AUTS2: variants seen among roughly 807,000 people sequenced by gnomAD.
The protein encoded by AUTS2 is activator of transcription and developmental regulator AUTS2.
AUTS2 carries 17 observed loss-of-function variants against 112.4 expected under a neutral mutation model. The observed-to-expected ratio is 0.15, with a 90% CI of 0.10 to 0.23. The LOEUF is 0.23. AUTS2 is among the 10% of genes least tolerant of loss of function. The probability of loss-of-function intolerance (pLI) is 1.00; values close to 1 mark genes in which losing one functional copy is unlikely to be tolerated. For synonymous variants in AUTS2, 751 were observed against 702.7 expected, an observed-to-expected ratio of 1.07 and a Z score of -1.09; for missense variants, 1,510 against 1,701.6, an observed-to-expected ratio of 0.89 and a Z score of 1.98.
intron 1 of AUTS2, among the ~76,000 whole-genome samples, chr7:69,746,454 A>G (rs1787499969): frequency 6.6e-6 from 1 of 152,122 alleles, no homozygotes; most frequent in Non-Finnish European, 1.5e-5. Context: ...GGGTGTAGGA[A>G]TAAAGGTGTG....
chr7:70,441,935 C>A (rs1171876925), intron 5 of AUTS2, among the ~76,000 whole-genome samples: 2 of 152,168 alleles, frequency 1.3e-5, no homozygotes, highest in African/African-American at 4.8e-5. Context: ...ATGTTTCACA[C>A]TCGGTAAGGT....
At chr7:69,807,181 C>T (rs1790346477) in intron 1 of AUTS2, among the ~76,000 whole-genome samples, 1 of 152,150 alleles carries the variant, frequency 6.6e-6, no homozygotes, top group African/African-American at 2.4e-5. Context: ...GTCGTTTTTC[C>T]TCCTTTAAAC....
At chr7:70,374,735 A>G (rs960628863) in intron 4 of AUTS2, among the ~76,000 whole-genome samples, 3 of 152,214 alleles carry the variant, frequency 2.0e-5, no homozygotes, top group Non-Finnish European at 4.4e-5. Context: ...TCAGTTTGAG[A>G]TCTTTTCCAC....
chr7:70,434,015 T>C (rs1373731329), intron 4 of AUTS2, among the ~76,000 whole-genome samples: 1 of 152,228 alleles, frequency 6.6e-6, no homozygotes, highest in Non-Finnish European at 1.5e-5. Flanking sequence ...TTTCCCTTGG[T>C]CCCACTCTGT....
At chr7:69,996,888 A>G (rs1798966529) in intron 2 of AUTS2, among the ~76,000 whole-genome samples, 1 of 148,572 alleles carries the variant, frequency 6.7e-6, no homozygotes, top group East Asian at 2.0e-4. Context: ...TCTGGGCGTT[A>G]GAATCTCAAT....
At chr7:70,634,227 A>G (rs1424520628) in intron 5 of AUTS2, among the ~76,000 whole-genome samples, 1 of 152,184 alleles carries the variant, frequency 6.6e-6, no homozygotes, top group African/African-American at 2.4e-5. Context: ...GCCATTTGAA[A>G]TAGGAGGACA....
intron 4 of AUTS2, among the ~76,000 whole-genome samples, chr7:70,296,660 G>A (rs1240741326): frequency 6.6e-6 from 1 of 152,012 alleles, no homozygotes; most frequent in African/African-American, 2.4e-5. Flanking sequence ...TTTATTTTCT[G>A]TGTTTAGGTT....
At chr7:70,778,038 G>A (rs149600178) in intron 14 of AUTS2, among the ~76,000 whole-genome samples, 4 of 152,174 alleles carry the variant, frequency 2.6e-5, no homozygotes, top group Non-Finnish European at 5.9e-5. Context: ...CAGGAGCCAC[G>A]TTCTGGCTAG....
At chr7:70,593,535 G>A (rs957275915) in intron 5 of AUTS2, among the ~76,000 whole-genome samples, 1 of 152,038 alleles carries the variant, frequency 6.6e-6, no homozygotes, top group Non-Finnish European at 1.5e-5. Context: ...AGTGATGTCC[G>A]AGGCCAAGGG....
At chr7:70,090,009 CAAATAAATAAATAAAT>C (rs34279658) in intron 2 of AUTS2, among the ~76,000 whole-genome samples, 2 of 144,416 alleles carry the variant, frequency 1.4e-5, no homozygotes, top group Admixed American at 6.9e-5. Flanking sequence ...TGTTTCAAAA[CAAATAAATAAATAAAT>C]AAATAAATAA....
intron 4 of AUTS2, among the ~76,000 whole-genome samples, chr7:70,163,344 T>TGGGGGGGGGGGGGGGGG (rs869280939): frequency 1.4e-3 from 4 of 2,794 alleles, no homozygotes; most frequent in Non-Finnish European, 4.3e-3. Flanking sequence ...GTTGTGGTGG[T>TGGGGGGGGGGGGGGGGG]GGGGGGGGGG....
chr7:70,725,845 G>A (rs797000650), intron 6 of AUTS2, among the ~76,000 whole-genome samples: 4 of 152,192 alleles, frequency 2.6e-5, no homozygotes, highest in African/African-American at 9.6e-5. Context: ...AAGGACCTGG[G>A]AGGTGGATCA....
At chr7:70,134,969 A>G (rs1289625067) in intron 4 of AUTS2, among the ~76,000 whole-genome samples, 5 of 152,254 alleles carry the variant, frequency 3.3e-5, no homozygotes, top group Non-Finnish European at 7.4e-5. Context: ...CTTCATATAC[A>G]ATGAGTTGCC....
At chr7:70,658,274 C>T (rs1028998013) in intron 5 of AUTS2, among the ~76,000 whole-genome samples, 13 of 152,156 alleles carry the variant, frequency 8.5e-5, no homozygotes, top group Non-Finnish European at 1.6e-4. Flanking sequence ...ATCCTGGAGG[C>T]CCTGGGGAAC....
chr7:69,973,820 G>A (rs1014283377), intron 2 of AUTS2, among the ~76,000 whole-genome samples: 5 of 151,914 alleles, frequency 3.3e-5, no homozygotes, highest in Admixed American at 6.6e-5. Context: ...TGTATGTATC[G>A]CTCAATTTTA....
At chr7:70,640,631 C>A (rs1386954549) in intron 5 of AUTS2, among the ~76,000 whole-genome samples, 2 of 151,934 alleles carry the variant, frequency 1.3e-5, no homozygotes, top group Non-Finnish European at 2.9e-5. Context: ...CAGGGGCTTT[C>A]ATTGATACCA....
At chr7:70,140,456 T>A (rs2129575349) in intron 4 of AUTS2, among the ~76,000 whole-genome samples, 1 of 152,244 alleles carries the variant, frequency 6.6e-6, no homozygotes, top group Non-Finnish European at 1.5e-5. Flanking sequence ...TTTATAAGAT[T>A]TCTTAGGGGT....
chr7:69,986,064 C>CT (rs2129550843), intron 2 of AUTS2, among the ~76,000 whole-genome samples: 1 of 152,284 alleles, frequency 6.6e-6, no homozygotes, highest in African/African-American at 2.4e-5. Context: ...TGCCCAGCCG[C>CT]TTTACTTATG....
chr7:69,858,898 G>T (rs941229609), intron 1 of AUTS2, among the ~76,000 whole-genome samples: 2 of 152,214 alleles, frequency 1.3e-5, no homozygotes, highest in African/African-American at 4.8e-5. Flanking sequence ...ACATTGCCTT[G>T]TGTAGCACTG....
Sources: allele counts gnomAD v4.1 joint callset (sites outside exome capture counted in the v4.1 genomes callset), GRCh38; gene constraint gnomAD v4.1.1; transcripts MANE v1.5; gene names NCBI Gene and HGNC (gene_info 2026-07-23, HGNC 2026-07-21).